Variants in MORC2 observed in about 807,000 individuals in gnomAD.
MORC2 encodes MORC family CW-type zinc finger 2.
MORC2 carries 30 observed loss-of-function variants against 136.0 expected under a neutral mutation model. The observed-to-expected ratio is 0.22, with a 90% CI of 0.17 to 0.30. The LOEUF (loss-of-function observed/expected upper bound fraction) is 0.30, where lower values mean the gene tolerates loss of function less well. MORC2 is among the 10% of genes least tolerant of loss of function. The pLI is 1.00. For missense variants in MORC2, 922 were observed against 1,333.1 expected (o/e 0.69, Z 4.80); for synonymous variants, 439 against 487.0 (o/e 0.90, Z 1.30).
In MORC2 at chr22:30,935,088, G is replaced by C. The variant is rs745722246; in HGVS notation, c.1886C>G (p.Pro629Arg). 1 of 1,613,738 alleles carries C rather than the reference G, an allele frequency of 6.2e-7. No individual in the cohort carries two copies. Among genetic ancestry groups the C allele is most frequent in the Non-Finnish European group, 8.5e-7 (1 of 1,179,990 alleles). Reference sequence around the variant, plus strand: ...TGGTCTAGGAGTTGGCAAAGAAGGGGGTCTGCTGGGGGCGTTCCTGATCAC... The same window carrying C: ...TGGTCTAGGAGTTGGCAAAGAAGGGCGTCTGCTGGGGGCGTTCCTGATCAC... Reference protein sequence around the residue: ...PAVIRNAPSRPPSLPTPRPAS... With the variant: ...PAVIRNAPSRRPSLPTPRPAS... The change falls in exon 19 of 26, where the codon CCC (proline) becomes CGC (arginine). Residue 629 changes from proline (P) to arginine (R), a missense_variant. This residue lies in a region of MORC2 where 184 missense variants were observed against 180.3 expected (regional missense o/e 1.02). Coordinates refer to ENST00000397641, the MANE Select transcript of MORC2 (RefSeq NM_001303256.3).
Position 30,949,246 on chromosome 22 carries a change from G to A in MORC2, c.317+506C>T, listed in dbSNP as rs117313113. Among the ~76,000 whole-genome samples, 5 of 152,304 alleles carry A rather than the reference G, an allele frequency of 3.3e-5. No individual in the cohort carries two copies. The East Asian group carries it at 9.6e-4, about 29-fold the overall frequency. ...GTCCCATGGGATTTGAAGACATTAG[G>A]TAGGTCCCTGCTATAAGGGCCTTGC... On this transcript the variant is annotated intron_variant, in intron 5 of 25. Coordinates refer to ENST00000397641, the MANE Select transcript of MORC2 (RefSeq NM_001303256.3).
chr22:30,957,411 A>G (rs2040982417), intron 2 of MORC2, among the ~76,000 whole-genome samples: 1 of 152,256 alleles, frequency 6.6e-6, no homozygotes, highest in African/African-American at 2.4e-5. Flanking sequence ...AGACTTCCAT[A>G]AAGGCTCAGA....
In MORC2 at chr22:30,941,401, G is replaced by A; in HGVS notation, c.824+32C>T. The stretch of plus-strand genomic sequence containing the variant: ...ACGCGGCCACATCCTCGACCCATGG[G>A]AGACAGCAGGCCAAGGGGCACTGGC... On this transcript the variant is annotated intron_variant, in intron 9 of 25. Transcript: ENST00000397641. The surrounding 1 kb of genome is among the most constrained non-coding windows in gnomAD (Gnocchi z 4.6). 1 of 1,610,748 alleles carries A rather than the reference G, an allele frequency of 6.2e-7. No homozygotes were observed. The highest frequency in any genetic ancestry group is 1.3e-5 in the African/African-American group (1 of 74,976).
In MORC2 at chr22:30,935,178, A is replaced by G; in HGVS notation, c.1813-17T>C. On this transcript the variant is annotated splice_polypyrimidine_tract_variant and intron_variant, in intron 18 of 25. Coordinates refer to ENST00000397641, the MANE Select transcript of MORC2 (RefSeq NM_001303256.3). ...CACAGGTTCCTAAAAAAAGGCCCAC[A>G]GAGAGTGAGAACACTGATCCTAGCA... 1 of 1,611,952 alleles carries G rather than the reference A, an allele frequency of 6.2e-7. No homozygotes were observed. Among genetic ancestry groups the G allele is most frequent in the Non-Finnish European group, 8.5e-7 (1 of 1,178,906 alleles).
intron 11 of MORC2, 35 bp from the exon 12 acceptor site, chr22:30,939,741 A>G (rs371682508): frequency 6.1e-5 from 96 of 1,585,738 alleles, no homozygotes; most frequent in Non-Finnish European, 8.1e-5. Flanking sequence ...GGGAGGTGGC[A>G]CTCTAGGCCA....
chr22:30,934,850 C>A lies in MORC2; in HGVS notation c.2124G>T (p.Glu708Asp), dbSNP rs201652834. ...TCTTGATGACTTTGGGAGAAGGAAC[C>A]TCCCGAGGGCTCTTGGAGTTGGGCA... ...SLLPNSKSPR[E>D]VPSPKVIKTP... is the part of the protein sequence containing the mutation. Residue 708 changes from glutamate to aspartate, a missense_variant, in exon 19 of 26, where the codon GAG becomes GAT. By Grantham distance (45) the Glu-to-Asp change is conservative. Transcript: ENST00000397641. The surrounding 1 kb of genome is among the most constrained non-coding windows in gnomAD (Gnocchi z 4.4). 42 of 1,614,176 alleles carry A rather than the reference C, an allele frequency of 2.6e-5. No homozygotes were observed. In the East Asian group the frequency reaches 8.0e-4, roughly 31 times the overall value.
chr22:30,937,608 C>T lies in MORC2; in HGVS notation c.1473G>A (p.Met491Ile), dbSNP rs1325022440. The change falls in exon 15 of 26, where the codon ATG becomes ATA. Residue 491 changes from methionine to isoleucine, a missense_variant. Met to Ile is a conservative substitution (Grantham distance 10). Coordinates refer to ENST00000397641, the MANE Select transcript of MORC2 (RefSeq NM_001303256.3). This position sits in a 1 kb window ranked among gnomAD's most constrained non-coding sequence, Gnocchi z 4.7. Reference sequence around the variant, plus strand: ...CGCACTGGATGGTGGTGGGGATTTCCATAGCTCTCCGGCGTTTGTAACGCA... The same window carrying T: ...CGCACTGGATGGTGGTGGGGATTTCTATAGCTCTCCGGCGTTTGTAACGCA... ...SELRYKRRRAMEIPTTIQCDL... is the reference protein window; with the variant it reads ...SELRYKRRRAIEIPTTIQCDL... The T allele has an allele frequency of 6.2e-7, 1 of 1,613,140 alleles. No homozygotes were observed. The highest frequency in any genetic ancestry group is 2.2e-5 in the East Asian group (1 of 44,880).
intron 1 of MORC2, among the ~76,000 whole-genome samples, chr22:30,959,677 T>G (rs914047336): frequency 2.6e-5 from 4 of 152,188 alleles, no homozygotes; most frequent in Non-Finnish European, 5.9e-5. Context: ...AATACAATAT[T>G]AACCCACATA....
At chr22:30,950,353 C>CCCACAA in intron 4 of MORC2, 24 bp downstream of exon 4, 1 of 1,481,956 alleles carries the variant, frequency 6.7e-7, no homozygotes, top group Non-Finnish European at 9.4e-7. Context: ...CCCCACCCCC[C>CCCACAA]AAAACAATAA....
intron 3 of MORC2, among the ~76,000 whole-genome samples, chr22:30,954,559 C>A (rs1391005285): frequency 1.3e-5 from 2 of 152,132 alleles, no homozygotes; most frequent in African/African-American, 4.8e-5. Context: ...AGCAAAGACC[C>A]CCATCTCCTC....
At chr22:30,940,342 A>G (rs1273699016) in intron 10 of MORC2, among the ~76,000 whole-genome samples, 1 of 152,014 alleles carries the variant, frequency 6.6e-6, no homozygotes, top group Non-Finnish European at 1.5e-5. Flanking sequence ...ACTCAGCTTG[A>G]GCTGGAAGCT....
chr22:30,942,196 C>T lies in MORC2; in HGVS notation c.502G>A (p.Glu168Lys). The T allele has an allele frequency of 6.2e-7, 1 of 1,614,170 alleles. No homozygotes were observed. Residue 168 changes from glutamate (E) to lysine (K), a missense_variant, in exon 7 of 26, where the codon GAG becomes AAG. Coordinates refer to ENST00000397641, the MANE Select transcript of MORC2 (RefSeq NM_001303256.3). ...VTDNVEKFAIETELIYKYSPF... is the reference protein window; with the variant it reads ...VTDNVEKFAIKTELIYKYSPF... Reference sequence around the variant, plus strand: ...GAGTACTTATAGATGAGTTCTGTCTCAATGGCAAATTTCTCTACATTGTCT... The same window carrying T: ...GAGTACTTATAGATGAGTTCTGTCTTAATGGCAAATTTCTCTACATTGTCT...
chr22:30,945,421 A>G (rs2040801674), intron 6 of MORC2, among the ~76,000 whole-genome samples: 1 of 152,258 alleles, frequency 6.6e-6, no homozygotes, highest in African/African-American at 2.4e-5. Flanking sequence ...ATCAACACAG[A>G]TGAATTAAAT....
rs1212477212 is a variant in MORC2, at chr22:30,932,718, T to A, written c.2574A>T (p.Glu858Asp). The change falls in exon 23 of 26, where the codon GAA becomes GAT. Residue 858 changes from glutamate to aspartate, a missense_variant. Glu to Asp is a conservative substitution (Grantham distance 45). Transcript: ENST00000397641. The surrounding 1 kb of genome is among the most constrained non-coding windows in gnomAD (Gnocchi z 4.4). ...CCTGTTGTGTATCAAGGCTCTGATGTTCCGGAGAAGGGGGTTTCATCAGCC... is the reference window on the plus strand; with the variant it reads ...CCTGTTGTGTATCAAGGCTCTGATGATCCGGAGAAGGGGGTTTCATCAGCC... ...DVRLMKPPSP[E>D]HQSLDTQQEG... 6.2e-7 allele frequency: 1 copy of A among 1,614,020 alleles called. No individual in the cohort carries two copies. Among genetic ancestry groups the A allele is most frequent in the Non-Finnish European group, 8.5e-7 (1 of 1,180,020 alleles).
In MORC2 at chr22:30,968,721, C is replaced by T. The variant is rs952183740; in HGVS notation, c.-832G>A. 6.0e-4 allele frequency among the ~76,000 whole-genome samples: 91 copies of T among 152,208 alleles called. No homozygotes were observed. Among genetic ancestry groups the T allele is most frequent in the African/African-American group, 2.2e-3 (91 of 41,552 alleles). On this transcript the variant is annotated 5_prime_UTR_variant, in exon 1 of 26. Transcript: ENST00000397641. The stretch of plus-strand genomic sequence containing the variant: ...TACTCCCGGCTTCCAAGGACCGGAT[C>T]GAGGGCAGTGGCGAGCGCACCACCT...
At chr22:30,961,901 G>T (rs1368994803) in intron 1 of MORC2, among the ~76,000 whole-genome samples, 1 of 152,064 alleles carries the variant, frequency 6.6e-6, no homozygotes, top group Non-Finnish European at 1.5e-5. Flanking sequence ...CTGCCACACA[G>T]TGCTTAGAAA....
intron 1 of MORC2, chr22:30,963,420 C>G (rs1456446180): frequency 1.5e-6 from 1 of 649,348 alleles, no homozygotes; most frequent in Non-Finnish European, 1.9e-6. Flanking sequence ...GAGTCTTGCT[C>G]TGTTGCCCCG....
Position 30,967,884 on chromosome 22 carries a change from A to T in MORC2, c.6T>A (p.Ala2=), listed in dbSNP as rs2041153074. The T allele has an allele frequency of 6.5e-6, 10 of 1,550,222 alleles. No individual in the cohort carries two copies. Among genetic ancestry groups the T allele is most frequent in the Non-Finnish European group, 7.9e-6 (9 of 1,146,192 alleles). M[A]FTNYSSLNRA... ...GATTCAGACTGCTGTAATTTGTGAAAGCCATGACTGCAATAAGGTCTCCAG... is the reference window on the plus strand; with the variant it reads ...GATTCAGACTGCTGTAATTTGTGAATGCCATGACTGCAATAAGGTCTCCAG... Residue 2 remains alanine, a synonymous_variant, in exon 1 of 26, where the codon GCT becomes GCA. Transcript: ENST00000397641.
intron 3 of MORC2, 38 bp downstream of exon 3, chr22:30,956,725 G>C: frequency 6.8e-7 from 1 of 1,473,376 alleles, no homozygotes; most frequent in East Asian, 2.5e-5. Flanking sequence ...AATGCATTAA[G>C]ATGAACTAGA....
Sources: allele counts gnomAD v4.1 joint callset (sites outside exome capture counted in the v4.1 genomes callset), GRCh38; gene constraint gnomAD v4.1.1; regional missense constraint gnomAD v4.1.1; non-coding constraint Gnocchi (gnomAD v3.1); transcripts MANE v1.5; gene names NCBI Gene and HGNC (gene_info 2026-07-23, HGNC 2026-07-21).